The following WDR72 variants were observed in gnomAD, a reference collection of about 807,000 sequenced individuals.
WDR72 encodes the protein WD repeat domain 72, also known as WD repeat-containing protein 72.
Under a neutral mutation model 124.2 loss-of-function variants are expected in WDR72, and 120 were observed. That is an observed-to-expected ratio of 0.97 (90% CI 0.83 to 1.12). WDR72 has a LOEUF of 1.12. Among genes scored for constraint, WDR72 ranks in the 50% most tolerant of loss-of-function variants. The pLI is 0.00. For missense variants in WDR72, 1,387 were observed against 1,278.8 expected, an observed-to-expected ratio of 1.08 and a Z score of -1.29; for synonymous variants, 452 against 441.7, an observed-to-expected ratio of 1.02 and a Z score of -0.29.
intron 14 of WDR72, among the ~76,000 whole-genome samples, chr15:53,644,345 T>A (rs1036508397): frequency 6.6e-6 from 1 of 152,110 alleles, no homozygotes; most frequent in Non-Finnish European, 1.5e-5. Flanking sequence ...AATCGAGACA[T>A]TGAAGAGCTC....
intron 17 of WDR72, among the ~76,000 whole-genome samples, chr15:53,603,871 T>A (rs1247976487): frequency 1.3e-5 from 2 of 152,114 alleles, no homozygotes; most frequent in African/African-American, 4.8e-5. Flanking sequence ...TGTTCATGAA[T>A]AGGAAGAATC....
rs1191899734 is a variant in WDR72, at chr15:53,686,295, G to T, written c.1765+13455C>A. On this transcript the variant is annotated intron_variant, in intron 13 of 19. Transcript: ENST00000360509. ...TGGATAAAGAGTCAAGACCCATCAG[G>T]GTGCTGTATTCAGAAGACCCATCTC... Among the ~76,000 whole-genome samples, 5 of 152,038 alleles carry T rather than the reference G, an allele frequency of 3.3e-5. No individual in the cohort carries two copies. The South Asian group carries it at 6.2e-4, about 19-fold the overall frequency.
At chr15:53,749,304 T>G (rs1242550578) in intron 1 of WDR72, among the ~76,000 whole-genome samples, 1 of 152,196 alleles carries the variant, frequency 6.6e-6, no homozygotes, top group Non-Finnish European at 1.5e-5. Flanking sequence ...TTTCAAACTT[T>G]GTCAATAACA....
intron 14 of WDR72, among the ~76,000 whole-genome samples, chr15:53,620,060 C>T (rs972699538): frequency 3.3e-5 from 5 of 151,856 alleles, no homozygotes; most frequent in Non-Finnish European, 7.4e-5. Flanking sequence ...GGCAATTTGG[C>T]AACATGTATC....
intron 11 of WDR72, among the ~76,000 whole-genome samples, 172 bp downstream of exon 11, chr15:53,704,816 T>TAAA (rs35150329): frequency 0.46 from 62,823 of 135,574 alleles, 15,126 homozygotes; most frequent in Middle Eastern, 0.63. Flanking sequence ...ACAGGGAGTT[T>TAAA]AAAAAAAAAA....
chr15:53,607,111 C>T (rs549819821), intron 17 of WDR72, among the ~76,000 whole-genome samples: 46 of 152,162 alleles, frequency 3.0e-4, no homozygotes, highest in South Asian at 2.9e-3. Flanking sequence ...ATCGAATCAA[C>T]GCACAACTAT....
rs1446617850 is a variant in WDR72, at chr15:53,710,999, T to G, written c.858-46A>C. ...GCAAAGTTTAGAACTTTGAGGTTCT[T>G]TATTCGTTTTTTTTCCCCCTCCCAC... is the stretch of plus-strand genomic sequence containing the variant. On this transcript the variant is annotated intron_variant, in intron 8 of 19. Coordinates refer to ENST00000360509, the MANE Select transcript of WDR72 (RefSeq NM_182758.4). 6 of 1,537,902 alleles carry G rather than the reference T, an allele frequency of 3.9e-6. No individual in the cohort carries two copies. In the African/African-American group the frequency reaches 8.2e-5, roughly 21 times the overall value.
chr15:53,618,149 T>C (rs1056678482), intron 14 of WDR72, among the ~76,000 whole-genome samples: 1 of 151,996 alleles, frequency 6.6e-6, no homozygotes, highest in Non-Finnish European at 1.5e-5. Context: ...CCTGATTTTT[T>C]TTACCCCTGC....
chr15:53,739,656 C>T (rs1021552357), intron 1 of WDR72, among the ~76,000 whole-genome samples: 11 of 152,034 alleles, frequency 7.2e-5, no homozygotes, highest in African/African-American at 2.7e-4. Context: ...TAACATTCTG[C>T]TCCTAAGAAC....
intron 14 of WDR72, among the ~76,000 whole-genome samples, chr15:53,659,355 C>T (rs563315971): frequency 6.6e-6 from 1 of 152,140 alleles, no homozygotes; most frequent in African/African-American, 2.4e-5. Context: ...CCCACCGGCA[C>T]GTGCTGCACA....
At chr15:53,559,830 A>G (rs1311431912) in intron 18 of WDR72, among the ~76,000 whole-genome samples, 1 of 152,026 alleles carries the variant, frequency 6.6e-6, no homozygotes, top group Non-Finnish European at 1.5e-5. Context: ...TCATTGAGCA[A>G]GAGCTGCTAT....
At chr15:53,591,685 AACACACACAC>A (rs67873847) in intron 18 of WDR72, among the ~76,000 whole-genome samples, 39,890 of 148,816 alleles carry the variant, frequency 0.27, 5,723 homozygotes, top group Middle Eastern at 0.44. Context: ...CAACACACAC[AACACACACAC>A]ACACACACAC....
At chr15:53,564,385 G>A (rs186084914) in intron 18 of WDR72, among the ~76,000 whole-genome samples, 1 of 151,954 alleles carries the variant, frequency 6.6e-6, no homozygotes, top group East Asian at 1.9e-4. Context: ...ATTCCTAGCT[G>A]TGTGTTATGT....
At chr15:53,747,376 C>G (rs915940877) in intron 1 of WDR72, among the ~76,000 whole-genome samples, 1 of 152,152 alleles carries the variant, frequency 6.6e-6, no homozygotes, top group African/African-American at 2.4e-5. Context: ...AACATCAACG[C>G]CAAGCTCCTC....
intron 2 of WDR72, among the ~76,000 whole-genome samples, chr15:53,729,727 A>G (rs2018145647): frequency 6.6e-6 from 1 of 152,152 alleles, no homozygotes; most frequent in Non-Finnish European, 1.5e-5. Context: ...CAGCTCAAGC[A>G]TCACTCTCAG....
chr15:53,540,952 C>T (rs571668100), intron 18 of WDR72: 1 of 157,436 alleles, frequency 6.4e-6, no homozygotes, highest in Non-Finnish European at 1.4e-5. Flanking sequence ...AAAAACGGCG[C>T]ACCACGAGAT....
chr15:53,726,522 A>T (rs2018043476), intron 2 of WDR72, among the ~76,000 whole-genome samples: 1 of 152,110 alleles, frequency 6.6e-6, no homozygotes, highest in Non-Finnish European at 1.5e-5. Flanking sequence ...CATTACAAAC[A>T]AAATTTTAAC....
Position 53,710,041 on chromosome 15 carries a change from C to T in WDR72, c.954+816G>A, listed in dbSNP as rs1048760885. Among the ~76,000 whole-genome samples, 18 of 152,130 alleles carry T rather than the reference C, an allele frequency of 1.2e-4. 1 individual carries two copies. Among genetic ancestry groups the T allele is most frequent in the Admixed American group, 7.9e-4 (12 of 15,254 alleles). On this transcript the variant is annotated intron_variant, in intron 9 of 19. Transcript: ENST00000360509. ...TTTGGATAACACTACTGAAAGAAAA[C>T]AACTGCTTAAATTTTCAGGCTTCCT...
At chr15:53,551,473 C>A (rs1270191054) in intron 18 of WDR72, among the ~76,000 whole-genome samples, 3 of 152,086 alleles carry the variant, frequency 2.0e-5, no homozygotes, top group Non-Finnish European at 4.4e-5. Flanking sequence ...GGCAAAACAC[C>A]CTTGGCAACT....
Sources: allele counts gnomAD v4.1 joint callset (sites outside exome capture counted in the v4.1 genomes callset), GRCh38; gene constraint gnomAD v4.1.1; transcripts MANE v1.5; gene names NCBI Gene and HGNC (gene_info 2026-07-23, HGNC 2026-07-21).